NEGR1: variants seen among roughly 807,000 people sequenced by gnomAD.
NEGR1 encodes neuronal growth regulator 1.
NEGR1 carries 10 observed loss-of-function variants against 40.9 expected under a neutral mutation model. That is an observed-to-expected ratio of 0.24 (90% CI 0.15 to 0.42). The LOEUF (loss-of-function observed/expected upper bound fraction) is 0.42, where lower values mean the gene tolerates loss of function less well. NEGR1 is among the 10% of genes least tolerant of loss of function. The pLI is 1.00. For synonymous variants in NEGR1, 185 were observed against 166.8 expected (o/e 1.11, Z -0.84); for missense variants, 352 against 438.9 (o/e 0.80, Z 1.77).
At chr1:71,737,130 G>C (rs997298026) in intron 3 of NEGR1, among the ~76,000 whole-genome samples, 1 of 152,188 alleles carries the variant, frequency 6.6e-6, no homozygotes, top group Non-Finnish European at 1.5e-5. Context: ...AAGCAAAGTA[G>C]AGATGTAACC....
intron 1 of NEGR1, among the ~76,000 whole-genome samples, chr1:72,194,030 A>T (rs1024231781): frequency 6.6e-6 from 1 of 151,996 alleles, no homozygotes; most frequent in Non-Finnish European, 1.5e-5. Context: ...ACAAAATTTT[A>T]AAAATACTGA....
At chr1:72,119,054 C>A (rs1008346852) in intron 1 of NEGR1, among the ~76,000 whole-genome samples, 1 of 151,490 alleles carries the variant, frequency 6.6e-6, no homozygotes, top group Admixed American at 6.6e-5. Flanking sequence ...CAACCTTTTC[C>A]AAGATAAAAA....
At chr1:72,223,581 T>G (rs1282446459) in intron 1 of NEGR1, among the ~76,000 whole-genome samples, 5 of 152,144 alleles carry the variant, frequency 3.3e-5, no homozygotes, top group Non-Finnish European at 5.9e-5. Flanking sequence ...CCTGCCTATT[T>G]TATATTGTCT....
intron 1 of NEGR1, among the ~76,000 whole-genome samples, chr1:71,958,240 G>A (rs1339696034): frequency 6.6e-6 from 1 of 152,080 alleles, no homozygotes; most frequent in Non-Finnish European, 1.5e-5. Context: ...TCCCCCCTTA[G>A]GGACATTTAT....
At chr1:72,029,266 G>A (rs529875018) in intron 1 of NEGR1, among the ~76,000 whole-genome samples, 11 of 152,174 alleles carry the variant, frequency 7.2e-5, no homozygotes, top group African/African-American at 2.4e-4. Context: ...GATCACTTGA[G>A]CCCAGGAGTT....
At chr1:71,609,514 CAAAAAAAAAAAAAAAAAAAAAAAAAAAA>C (rs61728217) in intron 5 of NEGR1, among the ~76,000 whole-genome samples, 17 of 24,100 alleles carry the variant, frequency 7.1e-4, no homozygotes, top group Non-Finnish European at 9.1e-4. Context: ...GACTCCGTCT[CAAAAAAAAAAAAAAAAAAAAAAAAAAAA>C]AAAAAAAAAA....
At chr1:71,621,755 T>C (rs951860420) in intron 4 of NEGR1, among the ~76,000 whole-genome samples, 1 of 151,900 alleles carries the variant, frequency 6.6e-6, no homozygotes, top group Admixed American at 6.6e-5. Flanking sequence ...CCTAAGAGAT[T>C]ATTTTCCTAA....
intron 6 of NEGR1, among the ~76,000 whole-genome samples, chr1:71,580,245 G>A (rs1004431588): frequency 2.7e-5 from 4 of 150,152 alleles, no homozygotes; most frequent in Admixed American, 6.6e-5. Context: ...CTCATAGGTG[G>A]GAATTGAACA....
chr1:72,274,348 T>C (rs550439783), intron 1 of NEGR1, among the ~76,000 whole-genome samples: 23 of 152,026 alleles, frequency 1.5e-4, no homozygotes, highest in Non-Finnish European at 2.1e-4. Flanking sequence ...ACACAAAATA[T>C]AAAGTCATAG....
At chr1:71,960,644 G>A (rs540841527) in intron 1 of NEGR1, among the ~76,000 whole-genome samples, 48 of 152,048 alleles carry the variant, frequency 3.2e-4, no homozygotes, top group African/African-American at 1.1e-3. Context: ...GTATCCATCC[G>A]AAACTCTGTC....
At chr1:72,070,451 T>C (rs771196580) in intron 1 of NEGR1, among the ~76,000 whole-genome samples, 14 of 152,036 alleles carry the variant, frequency 9.2e-5, no homozygotes, top group Admixed American at 3.3e-4. Context: ...AAAGTTTTCA[T>C]GTTTAATACT....
intron 4 of NEGR1, among the ~76,000 whole-genome samples, chr1:71,690,206 T>C (rs1322513264): frequency 6.6e-6 from 1 of 152,012 alleles, no homozygotes; most frequent in African/African-American, 2.4e-5. Flanking sequence ...AGTTTAATAA[T>C]GATGCTATGG....
chr1:72,140,278 T>C (rs1650623900), intron 1 of NEGR1, among the ~76,000 whole-genome samples: 1 of 151,822 alleles, frequency 6.6e-6, no homozygotes, highest in South Asian at 2.1e-4. Context: ...AAGGATTATG[T>C]GTTAGTTTAT....
intron 4 of NEGR1, among the ~76,000 whole-genome samples, chr1:71,670,050 A>T (rs1268138912): frequency 6.6e-6 from 1 of 151,914 alleles, no homozygotes; most frequent in East Asian, 1.9e-4. Flanking sequence ...ATTATTCTTC[A>T]TTCTTTCCTT....
rs538904243 is a variant in NEGR1, at chr1:72,157,575, T to G, written c.176+124744A>C. On this transcript the variant is annotated intron_variant, in intron 1 of 6. Transcript: ENST00000357731. ...TGTCTTCACACTTACAGCTGGTGCA[T>G]GATTATAAAAGCATTGTTTTTAATA... Among the ~76,000 whole-genome samples the G allele has an allele frequency of 3.3e-5, 5 of 152,250 alleles. No individual in the cohort carries two copies. The East Asian group carries it at 9.7e-4, about 29-fold the overall frequency.
At chr1:72,202,991 T>C (rs1472433746) in intron 1 of NEGR1, among the ~76,000 whole-genome samples, 3 of 152,024 alleles carry the variant, frequency 2.0e-5, no homozygotes, top group Non-Finnish European at 2.9e-5. Flanking sequence ...GTTTTAAATA[T>C]TACTGCTCAA....
intron 2 of NEGR1, among the ~76,000 whole-genome samples, chr1:71,791,605 A>G (rs1048544446): frequency 6.6e-6 from 1 of 152,134 alleles, no homozygotes; most frequent in Non-Finnish European, 1.5e-5. Context: ...AGAATATTTC[A>G]TAGTGTTCCC....
At chr1:71,807,302 GACTT>G (rs1657813023) in intron 2 of NEGR1, among the ~76,000 whole-genome samples, 1 of 152,014 alleles carries the variant, frequency 6.6e-6, no homozygotes, top group African/African-American at 2.4e-5. Flanking sequence ...TGGCTAAAAA[GACTT>G]ACAACTTAAA....
At chr1:72,257,250 A>G (rs1376657610) in intron 1 of NEGR1, among the ~76,000 whole-genome samples, 1 of 135,944 alleles carries the variant, frequency 7.4e-6, no homozygotes, top group African/African-American at 2.8e-5. Flanking sequence ...TGAACCCGGG[A>G]GGCGGAGCTT....
Sources: gnomAD v4.1 joint callset for allele counts (sites outside exome capture counted in the v4.1 genomes callset) on GRCh38, gnomAD v4.1.1 for gene constraint, MANE v1.5 for transcripts, NCBI Gene and HGNC (gene_info 2026-07-23, HGNC 2026-07-21) for gene names.